Variants in DIP2A observed in about 807,000 individuals in gnomAD.
DIP2A encodes the protein disco-interacting protein 2 homolog A.
Under a neutral mutation model 177.4 loss-of-function variants are expected in DIP2A, and 85 were observed. The observed-to-expected ratio is 0.48, with a 90% CI of 0.40 to 0.57. DIP2A has a LOEUF of 0.57. Among genes scored for constraint, DIP2A ranks in the 20% least tolerant of loss-of-function variants. The pLI is 0.00. For missense variants in DIP2A, 1,791 were observed against 2,100.2 expected (o/e 0.85, Z 2.88); for synonymous variants, 886 against 881.8 (o/e 1.00, Z -0.08).
intron 1 of DIP2A, among the ~76,000 whole-genome samples, chr21:46,470,246 G>A (rs779287634): frequency 6.6e-6 from 1 of 152,134 alleles, no homozygotes; most frequent in Non-Finnish European, 1.5e-5. Context: ...AGGCCAAGGC[G>A]GGCGGATCAC....
rs1290802380 is a variant in DIP2A at position 46,458,976 on chromosome 21, T to TGCTGTCCTGGCC, written c.-153_-142dup. 3.9e-6 allele frequency: 2 copies of TGCTGTCCTGGCC among 510,612 alleles called. No homozygotes were observed. The highest frequency in any genetic ancestry group is 4.0e-5 in the African/African-American group (2 of 49,388). 31.6% of individuals were successfully genotyped at this position (510,612 alleles called of 1,614,324 possible). Reference sequence around the variant, plus strand: ...CGCGCTCGTGCCCGCGCGGGTGCGTTGCTGTCCTGGCCGCGCCCCTGTCCC... The same window carrying TGCTGTCCTGGCC: ...CGCGCTCGTGCCCGCGCGGGTGCGTTGCTGTCCTGGCCGCTGTCCTGGCCGCGCCCCTGTCCC... On this transcript the variant is annotated 5_prime_UTR_variant, in exon 1 of 38. Coordinates refer to ENST00000417564, the MANE Select transcript of DIP2A (RefSeq NM_015151.4).
rs368323323 is a variant in DIP2A, at chr21:46,468,740, GATGTTT to G, written c.91+9534_91+9539del. Among the ~76,000 whole-genome samples, 135 of 152,156 alleles carry G rather than the reference GATGTTT, an allele frequency of 8.9e-4. 1 individual carries two copies. Among genetic ancestry groups the G allele is most frequent in the African/African-American group, 1.9e-3 (78 of 41,506 alleles). On this transcript the variant is annotated intron_variant, in intron 1 of 37. Coordinates refer to ENST00000417564, the MANE Select transcript of DIP2A (RefSeq NM_015151.4). ...AGGAAAGGAAGAAACTTTTAGAGAT[GATGTTT>G]ATGTTTATGTTTATGGTGATGGTTT...
rs1392193487 is a variant in DIP2A, at chr21:46,459,165, C to T, written c.34C>T (p.Pro12Ser). 1.1e-5 allele frequency: 17 copies of T among 1,520,278 alleles called. 1 individual carries two copies. The East Asian group carries it at 4.4e-4, about 39-fold the overall frequency. 94.2% of individuals were successfully genotyped at this position (1,520,278 alleles called of 1,614,324 possible). ...ADRGCPLEAA[P>S]LPAEVRESLA... Reference sequence around the variant, plus strand: ...CCGCGGGTGCCCGCTGGAGGCGGCGCCGCTGCCTGCCGAGGTGCGGGAGAG... The same window carrying T: ...CCGCGGGTGCCCGCTGGAGGCGGCGTCGCTGCCTGCCGAGGTGCGGGAGAG... The change falls in exon 1 of 38, where the codon CCG (proline) becomes TCG (serine). Residue 12 changes from proline to serine, a missense_variant. Physicochemically the swap from Pro to Ser is moderately conservative, Grantham distance 74 (BLOSUM62 -1). Transcript: ENST00000417564.
chr21:46,539,759 T>G (rs771655852), intron 16 of DIP2A, 118 bp from the exon 17 acceptor site: 12 of 832,386 alleles, frequency 1.4e-5, no homozygotes, highest in Non-Finnish European at 2.1e-5. Flanking sequence ...TTCCTTCTGC[T>G]GATGCAGCCC....
At chr21:46,506,804 CT>C (rs56782646) in intron 6 of DIP2A, among the ~76,000 whole-genome samples, 3,235 of 74,090 alleles carry the variant, frequency 0.044, 165 homozygotes, top group African/African-American at 0.16. Context: ...TCTTTCTTCT[CT>C]TTTTTTTTTT....
intron 16 of DIP2A, 128 bp downstream of exon 16, chr21:46,538,730 T>C (rs2059677063): frequency 4.5e-6 from 6 of 1,330,196 alleles, no homozygotes; most frequent in East Asian, 5.1e-5. Context: ...ACATGTCCCA[T>C]CGTTTCTATG....
chr21:46,503,048 C>G (rs935811661), intron 5 of DIP2A, among the ~76,000 whole-genome samples: 6 of 151,952 alleles, frequency 3.9e-5, no homozygotes, highest in Admixed American at 3.3e-4. Flanking sequence ...TGTGGCCAGG[C>G]GCGGTGGATC....
intron 1 of DIP2A, among the ~76,000 whole-genome samples, chr21:46,461,074 C>T (rs1057309805): frequency 6.6e-5 from 10 of 151,368 alleles, no homozygotes; most frequent in South Asian, 6.3e-4. Context: ...TGGGAGGCCA[C>T]GTTGGCTTGG....
At chr21:46,474,094 G>A (rs1350029430) in intron 1 of DIP2A, among the ~76,000 whole-genome samples, 1 of 152,172 alleles carries the variant, frequency 6.6e-6, no homozygotes, top group East Asian at 1.9e-4. Context: ...TGAGCCAATA[G>A]GATGGAGAGG....
At chr21:46,560,414 C>T (rs979107441) in intron 32 of DIP2A, among the ~76,000 whole-genome samples, 1 of 152,230 alleles carries the variant, frequency 6.6e-6, no homozygotes, top group Admixed American at 6.5e-5. Context: ...ATGGTGTTTT[C>T]ATCACAGCAA....
chr21:46,538,789 A>C, intron 16 of DIP2A, 187 bp downstream of exon 16: 2 of 846,848 alleles, frequency 2.4e-6, no homozygotes, highest in Non-Finnish European at 3.5e-6. Context: ...CATGTTTATT[A>C]GGCCACTAAA....
intron 32 of DIP2A, among the ~76,000 whole-genome samples, chr21:46,560,049 A>G (rs182251228): frequency 2.6e-5 from 4 of 152,366 alleles, no homozygotes; most frequent in Admixed American, 1.3e-4. Context: ...CTATTTTCAA[A>G]AAATGTTAAT....
At chr21:46,508,231 A>G (rs1249713751) in intron 6 of DIP2A, among the ~76,000 whole-genome samples, 3 of 150,732 alleles carry the variant, frequency 2.0e-5, no homozygotes, top group African/African-American at 4.9e-5. Flanking sequence ...TTGTAGAGAC[A>G]GGGTCTTGCT....
At chr21:46,523,491 C>T (rs1303506871) in intron 8 of DIP2A, among the ~76,000 whole-genome samples, 5 of 151,110 alleles carry the variant, frequency 3.3e-5, no homozygotes, top group Admixed American at 6.6e-5. Context: ...GTGATCCACC[C>T]GCCTCAGCCA....
At position 46,554,814 on chromosome 21, in the gene DIP2A, C is replaced by T; in HGVS notation, c.3277-8C>T. ...CCGCCCACCCACCCTTGGCCCCTCG[C>T]CATGCAGGTCAGCAAGTCTGCATGC... On this transcript the variant is annotated splice_polypyrimidine_tract_variant and splice_region_variant and intron_variant, in intron 27 of 37. Coordinates refer to ENST00000417564, the MANE Select transcript of DIP2A (RefSeq NM_015151.4). The T allele has an allele frequency of 6.5e-7, 1 of 1,544,042 alleles. No homozygotes were observed. The highest frequency in any genetic ancestry group is 8.7e-7 in the Non-Finnish European group (1 of 1,145,786).
intron 1 of DIP2A, among the ~76,000 whole-genome samples, chr21:46,471,352 G>C (rs1051915404): frequency 6.6e-6 from 1 of 152,090 alleles, no homozygotes; most frequent in East Asian, 1.9e-4. Flanking sequence ...TGTTTTTTAA[G>C]AGCAGTCTTA....
In DIP2A at chr21:46,509,141, C is replaced by A. The variant is rs879223523; in HGVS notation, c.785-116C>A. On this transcript the variant is annotated intron_variant, in intron 6 of 37. Transcript: ENST00000417564. ...AAATGACTGTCCAGTGGGGCCCACA[C>A]TTGGATGGATTTGTAAGCTCTGATG... The A allele has an allele frequency of 3.3e-6, 4 of 1,196,208 alleles. No homozygotes were observed. In the South Asian group the frequency reaches 1.0e-4, roughly 31 times the overall value. The allele number at this position is 1,196,208 out of a possible 1,614,324, so 74.1% of individuals were successfully genotyped here.
At chr21:46,577,863 G>A in the DIP2A span, among the ~76,000 whole-genome samples, 1 of 152,176 alleles carries the variant, frequency 6.6e-6, no homozygotes, top group Non-Finnish European at 1.5e-5. Context: ...CTTGTTAACT[G>A]TATTCCTAGG....
downstream of DIP2A, among the ~76,000 whole-genome samples, chr21:46,573,835 GATC>G (rs567363885): frequency 6.6e-6 from 1 of 152,018 alleles, no homozygotes; most frequent in East Asian, 1.9e-4. Context: ...TACAATGACA[GATC>G]ATCAAAATAT....
Sources: gnomAD v4.1 joint callset for allele counts (sites outside exome capture counted in the v4.1 genomes callset) on GRCh38, gnomAD v4.1.1 for gene constraint, MANE v1.5 for transcripts, NCBI Gene and HGNC (gene_info 2026-07-23, HGNC 2026-07-21) for gene names.